PPP1R9B: variants seen among roughly 807,000 people sequenced by gnomAD.
The protein encoded by PPP1R9B is neurabin-2.
Under a neutral mutation model 75.8 loss-of-function variants are expected in PPP1R9B, and 17 were observed. That is an observed-to-expected ratio of 0.22 (90% CI 0.15 to 0.34). The LOEUF is 0.34. Ranked by LOEUF, PPP1R9B falls within the 10% of genes least tolerant of loss-of-function variation. PPP1R9B has a pLI of 1.00. For missense variants in PPP1R9B, 875 were observed against 1,196.0 expected (o/e 0.73, Z 3.96); for synonymous variants, 509 against 535.4 (o/e 0.95, Z 0.68).
Position 50,150,042 on chromosome 17 carries a change from C to T in PPP1R9B, c.472G>A (p.Ala158Thr). ...RKLFERSAPA[A>T]AGGDKEAAAR... ...GCGGCCTCCTTGTCGCCGCCTGCGGCCGCTGGGGCGCTCCGTTCGAACAGC... is the reference window on the plus strand; with the variant it reads ...GCGGCCTCCTTGTCGCCGCCTGCGGTCGCTGGGGCGCTCCGTTCGAACAGC... The change falls in exon 1 of 10, where the codon GCC (alanine) becomes ACC (threonine). Residue 158 changes from alanine to threonine, a missense_variant. Around this residue, in one of 4 missense-constraint regions of PPP1R9B, gnomAD observed 449 missense variants for 475.0 expected, o/e 0.95. Coordinates refer to ENST00000612501, the MANE Select transcript of PPP1R9B (RefSeq NM_032595.5). This position sits in a 1 kb window ranked among gnomAD's most constrained non-coding sequence, Gnocchi z 8.7. 6.8e-7 allele frequency: 1 copy of T among 1,466,364 alleles called. No homozygotes were observed. Among genetic ancestry groups the T allele is most frequent in the Admixed American group, 2.6e-5 (1 of 39,166 alleles). The allele number at this position is 1,466,364 out of a possible 1,614,324, so 90.8% of individuals were successfully genotyped here.
Position 50,139,953 on chromosome 17 carries a change from C to CA in PPP1R9B, c.1866+139dup. The CA allele has an allele frequency of 1.0e-6, 1 of 961,870 alleles. No individual in the cohort carries two copies. The allele number at this position is 961,870 out of a possible 1,614,324, so 59.6% of individuals were successfully genotyped here. ...GTATTCCTTGTCCGGCCTCTGAAGA[C>CA]AAAGAGTGTGACTGGAGGACAGGGA... On this transcript the variant is annotated intron_variant, in intron 5 of 9. Coordinates refer to ENST00000612501, the MANE Select transcript of PPP1R9B (RefSeq NM_032595.5). The surrounding 1 kb of genome is among the most constrained non-coding windows in gnomAD (Gnocchi z 5.0).
Position 50,149,393 on chromosome 17 carries a change from A to G in PPP1R9B, c.1121T>C (p.Val374Ala), listed in dbSNP as rs762411750. The G allele has an allele frequency of 5.0e-6, 8 of 1,611,466 alleles. No homozygotes were observed. Residue 374 changes from valine to alanine, a missense_variant, in exon 1 of 10, where the codon GTG becomes GCG. Transcript: ENST00000612501. The surrounding 1 kb of genome is among the most constrained non-coding windows in gnomAD (Gnocchi z 7.2). ...RGVGNGRAPD[V>A]APEEVDESKK... ...GGATTCATCTACCTCCTCAGGGGCC[A>G]CGTCCGGGGCCCGGCCATTGCCCAC...
In PPP1R9B at chr17:50,149,086, G is replaced by T; in HGVS notation, c.1371+57C>A. ...CCGGCTGGCTGGCTGGCGAGCGGGGGCGGCCGCGTGCACGTGGCAGGGGCG... is the reference window on the plus strand; with the variant it reads ...CCGGCTGGCTGGCTGGCGAGCGGGGTCGGCCGCGTGCACGTGGCAGGGGCG... On this transcript the variant is annotated intron_variant, in intron 1 of 9. Transcript: ENST00000612501. The surrounding 1 kb of genome is among the most constrained non-coding windows in gnomAD (Gnocchi z 7.2). The T allele has an allele frequency of 7.8e-7, 1 of 1,285,180 alleles. No homozygotes were observed. The highest frequency in any genetic ancestry group is 1.0e-6 in the Non-Finnish European group (1 of 985,424). 79.6% of individuals were successfully genotyped at this position (1,285,180 alleles called of 1,614,324 possible).
intron 3 of PPP1R9B, 43 bp from the exon 4 acceptor site, chr17:50,141,416 G>C (rs1912374578): frequency 1.4e-6 from 2 of 1,399,812 alleles, no homozygotes; most frequent in African/African-American, 2.9e-5. Flanking sequence ...GGGAACCGAG[G>C]AGCGAGGGTA....
rs537961026 is a variant in PPP1R9B at position 50,144,834 on chromosome 17, C to T, written c.1504+279G>A. 3.3e-5 allele frequency among the ~76,000 whole-genome samples: 5 copies of T among 152,336 alleles called. No homozygotes were observed. In the South Asian group the frequency reaches 8.3e-4, roughly 25 times the overall value. Reference sequence around the variant, plus strand: ...TGTGTCCCCAACACAGAGCCCAGGACCTAGCACACAGTACCCTACAGAGAC... The same window carrying T: ...TGTGTCCCCAACACAGAGCCCAGGATCTAGCACACAGTACCCTACAGAGAC... On this transcript the variant is annotated intron_variant, in intron 2 of 9. Coordinates refer to ENST00000612501, the MANE Select transcript of PPP1R9B (RefSeq NM_032595.5).
At chr17:50,143,858 G>T in intron 2 of PPP1R9B, 140 bp from the exon 3 acceptor site, 2 of 1,240,266 alleles carry the variant, frequency 1.6e-6, no homozygotes, top group Non-Finnish European at 1.1e-6. Context: ...AAGGGATATA[G>T]TTCTGTCCAC....
intron 7 of PPP1R9B, among the ~76,000 whole-genome samples, chr17:50,138,311 C>T (rs898570715): frequency 6.6e-6 from 1 of 152,186 alleles, no homozygotes; most frequent in Non-Finnish European, 1.5e-5. Context: ...ATGGCCATGC[C>T]TGTGTGTTTC....
intron 7 of PPP1R9B, among the ~76,000 whole-genome samples, chr17:50,138,995 C>A (rs1912299937): frequency 6.6e-6 from 1 of 152,212 alleles, no homozygotes; most frequent in Non-Finnish European, 1.5e-5. Flanking sequence ...CTCATTTAAT[C>A]CCACAACGAT....
chr17:50,143,462 A>G, intron 3 of PPP1R9B, 136 bp downstream of exon 3: 1 of 1,129,802 alleles, frequency 8.9e-7, no homozygotes. Flanking sequence ...GTGCTCCCCG[A>G]ACATCTCAGC....
At chr17:50,141,185 T>A (rs1567728571) in intron 4 of PPP1R9B, 84 bp downstream of exon 4, 6 of 905,986 alleles carry the variant, frequency 6.6e-6, no homozygotes, top group Non-Finnish European at 8.5e-6. Flanking sequence ...ACCAGAACCT[T>A]AACTGGCTGT....
At chr17:50,140,059 C>T (rs757166534) in intron 5 of PPP1R9B, 34 bp downstream of exon 5, 31 of 1,606,838 alleles carry the variant, frequency 1.9e-5, no homozygotes, top group East Asian at 1.6e-4. Context: ...CACCAGGGGG[C>T]GACCACGCGG....
Position 50,149,020 on chromosome 17 carries a change from G to A in PPP1R9B, c.1371+123C>T. 1 of 658,840 alleles carries A rather than the reference G, an allele frequency of 1.5e-6. No homozygotes were observed. Among genetic ancestry groups the A allele is most frequent in the East Asian group, 3.3e-5 (1 of 30,176 alleles). The allele number at this position is 658,840 out of a possible 1,614,324, so 40.8% of individuals were successfully genotyped here. ...CCCCCCTGAGGGTGGGAACTTCTGGGAAGGGGGCTGGGTGGCAGGGGCTGA... is the reference window on the plus strand; with the variant it reads ...CCCCCCTGAGGGTGGGAACTTCTGGAAAGGGGGCTGGGTGGCAGGGGCTGA... On this transcript the variant is annotated intron_variant, in intron 1 of 9. Coordinates refer to ENST00000612501, the MANE Select transcript of PPP1R9B (RefSeq NM_032595.5). This position sits in a 1 kb window ranked among gnomAD's most constrained non-coding sequence, Gnocchi z 7.2.
chr17:50,136,956 G>A (rs1001295577), intron 7 of PPP1R9B, among the ~76,000 whole-genome samples: 67 of 152,190 alleles, frequency 4.4e-4, no homozygotes, highest in African/African-American at 1.4e-3. Context: ...GTTAAAAGGC[G>A]CCACAACCTC....
In PPP1R9B at chr17:50,136,124, T is replaced by C; in HGVS notation, c.2147A>G (p.Asn716Ser). Residue 716 changes from asparagine to serine, a missense_variant, in exon 8 of 10, where the codon AAC becomes AGC. By Grantham distance (46) the Asn-to-Ser change is conservative. Transcript: ENST00000612501. ...TTCCAGTTTCTCCATGCGCTCCTTG[T>C]TCTCCTCCACACTCTGCTCCAACTG... ...KAQLEQSVEENKERMEKLEGY... is the reference protein window; with the variant it reads ...KAQLEQSVEESKERMEKLEGY... 6.2e-7 allele frequency: 1 copy of C among 1,608,670 alleles called. No individual in the cohort carries two copies. The highest frequency in any genetic ancestry group is 8.5e-7 in the Non-Finnish European group (1 of 1,179,820).
intron 3 of PPP1R9B, 44 bp downstream of exon 3, chr17:50,143,554 C>A (rs370323572): frequency 2.5e-6 from 4 of 1,580,806 alleles, no homozygotes; most frequent in Non-Finnish European, 3.4e-6. Flanking sequence ...GATGGCCGGT[C>A]GGAGAGGGAA....
At position 50,139,970 on chromosome 17, in the gene PPP1R9B, G is replaced by A. The variant is rs1026895393; in HGVS notation, c.1866+123C>T. 8.6e-5 allele frequency: 92 copies of A among 1,069,746 alleles called. No individual in the cohort carries two copies. In the African/African-American group the frequency reaches 1.3e-3, roughly 15 times the overall value. The allele number at this position is 1,069,746 out of a possible 1,614,324, so 66.3% of individuals were successfully genotyped here. On this transcript the variant is annotated intron_variant, in intron 5 of 9. Transcript: ENST00000612501. This position sits in a 1 kb window ranked among gnomAD's most constrained non-coding sequence, Gnocchi z 5.0. ...TCTGAAGACAAAGAGTGTGACTGGAGGACAGGGAATGGCACTGTGGGCTTT... is the reference window on the plus strand; with the variant it reads ...TCTGAAGACAAAGAGTGTGACTGGAAGACAGGGAATGGCACTGTGGGCTTT...
rs1328008192 is a variant in PPP1R9B, at chr17:50,150,095, G to T, written c.419C>A (p.Pro140Gln). Residue 140 changes from proline (P) to glutamine (Q), a missense_variant, in exon 1 of 10, where the codon CCG becomes CAG. Physicochemically the swap from Pro to Gln is moderately conservative, Grantham distance 76. Around this residue, in one of 4 missense-constraint regions of PPP1R9B, gnomAD observed 449 missense variants for 475.0 expected, o/e 0.95. Transcript: ENST00000612501. The surrounding 1 kb of genome is among the most constrained non-coding windows in gnomAD (Gnocchi z 8.7). ...CCGCGTCTCCTGCAGCCGGGACGGC[G>T]GGTGCGGCGGCGGCGCAGGCTGCGC... ...PSAQPAPPPH[P>Q]PSRLQETRKL... 3.6e-6 allele frequency: 5 copies of T among 1,400,726 alleles called. No homozygotes were observed. Among genetic ancestry groups the T allele is most frequent in the Non-Finnish European group, 4.6e-6 (5 of 1,083,064 alleles). The allele number at this position is 1,400,726 out of a possible 1,614,324, so 86.8% of individuals were successfully genotyped here. A position where few individuals can be genotyped will look rare whatever the true frequency, so the allele number is the denominator to read the frequency against.
rs1374299692 is a variant in PPP1R9B at position 50,136,116 on chromosome 17, G to A, written c.2155C>T (p.Arg719Cys). 4.3e-6 allele frequency: 7 copies of A among 1,609,378 alleles called. No individual in the cohort carries two copies. The highest frequency in any genetic ancestry group is 5.9e-6 in the Non-Finnish European group (7 of 1,179,818). The change falls in exon 8 of 10, where the codon CGC becomes TGC. Residue 719 changes from arginine (R) to cysteine (C), a missense_variant. Arg to Cys is a radical substitution (Grantham distance 180, BLOSUM62 -3). Around this residue, in one of 4 missense-constraint regions of PPP1R9B, gnomAD observed 218 missense variants for 334.6 expected, o/e 0.65. Transcript: ENST00000612501. ...CAGTAGCCTTCCAGTTTCTCCATGC[G>A]CTCCTTGTTCTCCTCCACACTCTGC... ...LEQSVEENKE[R>C]MEKLEGYWGE... is the part of the protein sequence containing the mutation.
rs368935492 is a variant in PPP1R9B, at chr17:50,140,277, T to C, written c.1731-49A>G. 2.3e-5 allele frequency: 35 copies of C among 1,552,766 alleles called. No homozygotes were observed. In the African/African-American group the frequency reaches 4.1e-4, roughly 18 times the overall value. On this transcript the variant is annotated intron_variant, in intron 4 of 9. Coordinates refer to ENST00000612501, the MANE Select transcript of PPP1R9B (RefSeq NM_032595.5). ...GCTGCCTCTGTCCTCAGCCAGGTAA[T>C]GCATCATCCTCCCTGCTGATGCTCC...
Sources: allele counts gnomAD v4.1 joint callset (sites outside exome capture counted in the v4.1 genomes callset), GRCh38; gene constraint gnomAD v4.1.1; regional missense constraint gnomAD v4.1.1; non-coding constraint Gnocchi (gnomAD v3.1); transcripts MANE v1.5; gene names NCBI Gene and HGNC (gene_info 2026-07-23, HGNC 2026-07-21).